The following SPSB1 variants were observed in gnomAD, a reference collection of about 807,000 sequenced individuals.
The protein encoded by SPSB1 is SPRY domain-containing SOCS box protein 1.
A neutral mutation model predicts 21.2 loss-of-function variants in SPSB1; 8 were observed. The observed-to-expected ratio is 0.38, with a 90% CI of 0.22 to 0.68. The LOEUF is 0.68. SPSB1 is among the 30% of genes least tolerant of loss of function. The pLI, the probability that SPSB1 is intolerant of heterozygous loss-of-function variation, is 0.53. For synonymous variants in SPSB1, 169 were observed against 161.7 expected (o/e 1.05, Z -0.34); for missense variants, 242 against 377.8 (o/e 0.64, Z 2.98).
intron 1 of SPSB1, among the ~76,000 whole-genome samples, chr1:9,309,252 C>T (rs1434176928): frequency 6.7e-6 from 1 of 150,342 alleles, no homozygotes; most frequent in Non-Finnish European, 1.5e-5. Flanking sequence ...TTCCTGTGTG[C>T]TCCCCTGCGG....
chr1:9,298,957 C>G (rs1242867167), intron 1 of SPSB1, among the ~76,000 whole-genome samples: 1 of 152,190 alleles, frequency 6.6e-6, no homozygotes, highest in Non-Finnish European at 1.5e-5. Flanking sequence ...CATTGCATCC[C>G]TGGGGTGGGG....
chr1:9,303,026 C>T (rs184889144), intron 1 of SPSB1, among the ~76,000 whole-genome samples: 1 of 152,304 alleles, frequency 6.6e-6, no homozygotes, highest in African/African-American at 2.4e-5. Context: ...GGGGGTAAGG[C>T]TGCCACCTGG....
At chr1:9,300,492 A>G (rs1364863656) in intron 1 of SPSB1, among the ~76,000 whole-genome samples, 1 of 152,242 alleles carries the variant, frequency 6.6e-6, no homozygotes, top group African/African-American at 2.4e-5. Context: ...GATGAATCGC[A>G]GTACAGGCCT....
At chr1:9,357,519 G>A (rs1167009568) in intron 2 of SPSB1, among the ~76,000 whole-genome samples, 1 of 152,210 alleles carries the variant, frequency 6.6e-6, no homozygotes, top group African/African-American at 2.4e-5. Context: ...TCCGGTAAAT[G>A]AATGCTAGTG....
chr1:9,314,333 G>A (rs1338106709), intron 1 of SPSB1, among the ~76,000 whole-genome samples: 3 of 152,004 alleles, frequency 2.0e-5, no homozygotes, highest in African/African-American at 7.3e-5. Flanking sequence ...AATATACAAG[G>A]CAGCTCTCTG....
At chr1:9,350,397 G>A (rs1009398625) in intron 1 of SPSB1, among the ~76,000 whole-genome samples, 1 of 152,208 alleles carries the variant, frequency 6.6e-6, no homozygotes, top group African/African-American at 2.4e-5. Context: ...AGGCAGGCGC[G>A]GTCCTGGGGA....
chr1:9,311,981 G>T (rs115501445), intron 1 of SPSB1, among the ~76,000 whole-genome samples: 1,703 of 152,016 alleles, frequency 0.011, 32 homozygotes, highest in African/African-American at 0.039. Flanking sequence ...TGCAGATGAC[G>T]TTTTTGTCTT....
intron 1 of SPSB1, among the ~76,000 whole-genome samples, chr1:9,338,182 G>A (rs577684668): frequency 6.6e-6 from 1 of 152,200 alleles, no homozygotes; most frequent in African/African-American, 2.4e-5. Context: ...TTGGCGGTTG[G>A]GGGGTGCCAC....
intron 1 of SPSB1, among the ~76,000 whole-genome samples, chr1:9,319,405 C>T (rs1639670572): frequency 6.6e-6 from 1 of 152,086 alleles, no homozygotes; most frequent in South Asian, 2.1e-4. Context: ...CTCCCTCCTC[C>T]CTCCTCCTTC....
chr1:9,358,429 G>A lies in SPSB1; in HGVS notation c.694+1844G>A, dbSNP rs371698743. Among the ~76,000 whole-genome samples the A allele has an allele frequency of 3.8e-3, 586 of 152,290 alleles. 3 individuals are homozygous for A. Among genetic ancestry groups the A allele is most frequent in the African/African-American group, 8.7e-3 (361 of 41,548 alleles). ...GTAGCCTCCCCGGGGAAGTCACCTCGGAAATGGAACCAGCAGAGTGAGTTC... is the reference window on the plus strand; with the variant it reads ...GTAGCCTCCCCGGGGAAGTCACCTCAGAAATGGAACCAGCAGAGTGAGTTC... On this transcript the variant is annotated intron_variant, in intron 2 of 2. Coordinates refer to ENST00000328089, the MANE Select transcript of SPSB1 (RefSeq NM_025106.4).
chr1:9,309,083 TGAGGAGGACCGG>T (rs1639470313), intron 1 of SPSB1, among the ~76,000 whole-genome samples: 1 of 151,498 alleles, frequency 6.6e-6, no homozygotes. Context: ...TTGACTGCCA[TGAGGAGGACCGG>T]GAGAAGGCTG....
chr1:9,366,954 T>G (rs996831234), intron 2 of SPSB1, among the ~76,000 whole-genome samples: 6 of 152,202 alleles, frequency 3.9e-5, no homozygotes, highest in African/African-American at 1.4e-4. Context: ...CTGAAGCTAG[T>G]GCTGGGGGTG....
At chr1:9,347,170 C>T (rs1640177859) in intron 1 of SPSB1, among the ~76,000 whole-genome samples, 2 of 152,120 alleles carry the variant, frequency 1.3e-5, no homozygotes, top group Admixed American at 6.6e-5. Flanking sequence ...GAAAAAAAAG[C>T]GTTTTAAACG....
At chr1:9,323,683 C>T (rs954166225) in intron 1 of SPSB1, among the ~76,000 whole-genome samples, 5 of 152,226 alleles carry the variant, frequency 3.3e-5, no homozygotes, top group Admixed American at 1.3e-4. Flanking sequence ...CTCCAGGCAC[C>T]GAGAGCCCAT....
chr1:9,315,356 A>G (rs1426046177), intron 1 of SPSB1, among the ~76,000 whole-genome samples: 1 of 152,276 alleles, frequency 6.6e-6, no homozygotes, highest in Non-Finnish European at 1.5e-5. Context: ...TCGCAGCAGC[A>G]GTCAGGACTT....
intron 1 of SPSB1, among the ~76,000 whole-genome samples, chr1:9,319,404 C>T (rs369296072): frequency 6.6e-6 from 1 of 152,208 alleles, no homozygotes; most frequent in East Asian, 1.9e-4. Flanking sequence ...CCTCCCTCCT[C>T]CCTCCTCCTT....
chr1:9,359,817 G>A (rs1478862539), intron 2 of SPSB1, among the ~76,000 whole-genome samples: 2 of 149,490 alleles, frequency 1.3e-5, no homozygotes, highest in African/African-American at 2.5e-5. Context: ...CCCGGTGAGA[G>A]GTGATGGGAG....
Position 9,358,489 on chromosome 1 carries a change from C to T in SPSB1, c.694+1904C>T, listed in dbSNP as rs1467248873. ...CTCCCTAGGTGTCAGAAATGAGTGG[C>T]ACCACGTCCACAGCCAAATTTGCCT... On this transcript the variant is annotated intron_variant, in intron 2 of 2. Coordinates refer to ENST00000328089, the MANE Select transcript of SPSB1 (RefSeq NM_025106.4). 2.0e-5 allele frequency among the ~76,000 whole-genome samples: 3 copies of T among 152,198 alleles called. No homozygotes were observed. In the East Asian group the frequency reaches 5.8e-4, roughly 29 times the overall value.
intron 1 of SPSB1, among the ~76,000 whole-genome samples, chr1:9,310,121 G>A (rs1377190211): frequency 5.3e-5 from 8 of 150,844 alleles, no homozygotes; most frequent in African/African-American, 2.0e-4. Context: ...CAGAGTCTAG[G>A]GGCCATCTGT....
Sources: allele counts gnomAD v4.1 joint callset (sites outside exome capture counted in the v4.1 genomes callset), GRCh38; gene constraint gnomAD v4.1.1; transcripts MANE v1.5; gene names NCBI Gene and HGNC (gene_info 2026-07-23, HGNC 2026-07-21).